The following EYS variants were observed in gnomAD, a reference collection of about 807,000 sequenced individuals.
EYS encodes the protein protein eyes shut homolog.
In EYS, 250 loss-of-function variants were observed where a neutral mutation model predicts 282.1. That is an observed-to-expected ratio of 0.89 (90% CI 0.80 to 0.98). The LOEUF (loss-of-function observed/expected upper bound fraction) is 0.98, where lower values mean the gene tolerates loss of function less well. Among genes scored for constraint, EYS ranks in the 50% least tolerant of loss-of-function variants. EYS has a pLI of 0.00. For synonymous variants in EYS, 1,355 were observed against 1,282.9 expected (o/e 1.06, Z -1.20); for missense variants, 4,016 against 3,709.0 (o/e 1.08, Z -2.15).
At chr6:64,693,198 T>C (rs1367462611) in intron 22 of EYS, among the ~76,000 whole-genome samples, 2 of 151,798 alleles carry the variant, frequency 1.3e-5, no homozygotes, top group African/African-American at 2.4e-5. Flanking sequence ...ATTATCATGT[T>C]CGTTAATTGA....
At chr6:65,207,773 G>A (rs950348921) in intron 12 of EYS, among the ~76,000 whole-genome samples, 8 of 151,636 alleles carry the variant, frequency 5.3e-5, no homozygotes, top group East Asian at 1.9e-4. Flanking sequence ...ATAAACAATA[G>A]GGAAAGGACT....
intron 30 of EYS, among the ~76,000 whole-genome samples, chr6:64,295,948 T>A (rs2150368992): frequency 6.6e-6 from 1 of 152,278 alleles, no homozygotes; most frequent in African/African-American, 2.4e-5. Flanking sequence ...AAGATATATG[T>A]TGACATTTGG....
At chr6:65,103,005 T>G (rs1312893609) in intron 12 of EYS, among the ~76,000 whole-genome samples, 1 of 151,424 alleles carries the variant, frequency 6.6e-6, no homozygotes, top group Non-Finnish European at 1.5e-5. Flanking sequence ...TTTGTTTTTC[T>G]TGTTTTAACA....
chr6:65,380,708 T>G (rs951073716), intron 8 of EYS, among the ~76,000 whole-genome samples: 1 of 152,060 alleles, frequency 6.6e-6, no homozygotes, highest in African/African-American at 2.4e-5. Context: ...GAGAAAAATT[T>G]TGCAAACTAT....
At chr6:65,249,038 G>A (rs565237098) in intron 12 of EYS, among the ~76,000 whole-genome samples, 1 of 148,672 alleles carries the variant, frequency 6.7e-6, no homozygotes, top group Non-Finnish European at 1.5e-5. Flanking sequence ...TCTGGGTTTA[G>A]TAAAATGTGT....
chr6:65,435,059 A>G (rs1404338093), intron 5 of EYS, among the ~76,000 whole-genome samples: 1 of 151,866 alleles, frequency 6.6e-6, no homozygotes, highest in African/African-American at 2.4e-5. Flanking sequence ...ACACATCTAA[A>G]GTCACCAGAT....
chr6:65,380,492 A>T (rs1408416340), intron 8 of EYS, among the ~76,000 whole-genome samples: 1 of 152,186 alleles, frequency 6.6e-6, no homozygotes, highest in Non-Finnish European at 1.5e-5. Context: ...AAAGACGTAA[A>T]TGTAAAATTT....
intron 33 of EYS, among the ~76,000 whole-genome samples, chr6:64,002,491 A>T (rs1044436287): frequency 6.6e-6 from 1 of 152,198 alleles, no homozygotes; most frequent in Non-Finnish European, 1.5e-5. Flanking sequence ...ACACATGCCC[A>T]CTTGGGTTTC....
chr6:65,263,110 G>A (rs558087234), intron 12 of EYS, among the ~76,000 whole-genome samples: 20 of 152,142 alleles, frequency 1.3e-4, no homozygotes, highest in Non-Finnish European at 2.6e-4. Flanking sequence ...GGAGGCTGAG[G>A]TAGGTGAATC....
At chr6:64,053,661 G>C (rs1299250276) in intron 33 of EYS, among the ~76,000 whole-genome samples, 1 of 152,134 alleles carries the variant, frequency 6.6e-6, no homozygotes, top group Non-Finnish European at 1.5e-5. Flanking sequence ...TACAGGTGAA[G>C]ACCAAGAAGT....
In EYS at chr6:64,130,131, T is replaced by C. The variant is rs574353444; in HGVS notation, c.6425-48129A>G. On this transcript the variant is annotated intron_variant, in intron 31 of 42. Coordinates refer to ENST00000503581, the MANE Select transcript of EYS (RefSeq NM_001142800.2). The stretch of plus-strand genomic sequence containing the variant: ...TTGACCCAACTATCCCATTACTGGG[T>C]ATATACCCAAAGGATTATAAATCAT... Among the ~76,000 whole-genome samples, 6 of 152,304 alleles carry C rather than the reference T, an allele frequency of 3.9e-5. No individual in the cohort carries two copies. The East Asian group carries it at 1.2e-3, about 29-fold the overall frequency.
intron 19 of EYS, among the ~76,000 whole-genome samples, chr6:64,871,014 G>A (rs752936550): frequency 2.6e-4 from 39 of 151,910 alleles, no homozygotes; most frequent in Non-Finnish European, 4.9e-4. Flanking sequence ...GGGACACAGA[G>A]AATGCTTGAA....
rs546805147 is a variant in EYS at position 64,782,678 on chromosome 6, T to C, written c.3443+30700A>G. 5.9e-5 allele frequency among the ~76,000 whole-genome samples: 9 copies of C among 152,322 alleles called. No homozygotes were observed. The East Asian group carries it at 1.7e-3, about 29-fold the overall frequency. ...TTGGGTCTATCTCCTAGTTTATTTG[T>C]ATGTTTTAACCAATGCATCTGATTA... On this transcript the variant is annotated intron_variant, in intron 22 of 42. Transcript: ENST00000503581.
chr6:64,689,708 C>G (rs996965841), intron 22 of EYS, among the ~76,000 whole-genome samples: 4 of 152,038 alleles, frequency 2.6e-5, no homozygotes, highest in African/African-American at 7.2e-5. Flanking sequence ...ACAAACCTGA[C>G]AAAAACAAGC....
chr6:64,681,813 G>A (rs1009590041), intron 22 of EYS, among the ~76,000 whole-genome samples: 5 of 152,154 alleles, frequency 3.3e-5, no homozygotes, highest in Non-Finnish European at 7.4e-5. Flanking sequence ...GGAGTTACGT[G>A]CTACGGGAAG....
intron 13 of EYS, among the ~76,000 whole-genome samples, chr6:65,045,030 C>A (rs926052927): frequency 6.6e-6 from 1 of 151,838 alleles, no homozygotes; most frequent in Non-Finnish European, 1.5e-5. Flanking sequence ...AAGCTTGACT[C>A]CTCTTTAATT....
chr6:64,422,081 T>C (rs1344203112), intron 28 of EYS, among the ~76,000 whole-genome samples: 3 of 152,122 alleles, frequency 2.0e-5, no homozygotes, highest in Admixed American at 6.6e-5. Flanking sequence ...AATAATTATC[T>C]AGCCCCAGTA....
At chr6:64,957,148 A>G (rs1331333165) in intron 14 of EYS, among the ~76,000 whole-genome samples, 1 of 152,204 alleles carries the variant, frequency 6.6e-6, no homozygotes, top group Non-Finnish European at 1.5e-5. Context: ...ATTGTTCACA[A>G]TAGCCAAGAC....
At chr6:64,732,187 C>T (rs1305395401) in intron 22 of EYS, among the ~76,000 whole-genome samples, 2 of 151,748 alleles carry the variant, frequency 1.3e-5, no homozygotes, top group Admixed American at 6.6e-5. Flanking sequence ...GGAGGGATAG[C>T]ATTAGGAGAA....
Sources: allele counts gnomAD v4.1 joint callset (sites outside exome capture counted in the v4.1 genomes callset), GRCh38; gene constraint gnomAD v4.1.1; transcripts MANE v1.5; gene names NCBI Gene and HGNC (gene_info 2026-07-23, HGNC 2026-07-21).